TRAPPC11: variants seen among roughly 807,000 people sequenced by gnomAD.
The protein encoded by TRAPPC11 is foie gras homolog.
TRAPPC11 carries 104 observed loss-of-function variants against 151.2 expected under a neutral mutation model. That is an observed-to-expected ratio of 0.69 (90% confidence interval 0.59 to 0.81). TRAPPC11 has a LOEUF of 0.81. Ranked by LOEUF, TRAPPC11 falls within the 30% of genes least tolerant of loss-of-function variation. The pLI is 0.00. For synonymous variants in TRAPPC11, 456 were observed against 472.3 expected, an observed-to-expected ratio of 0.97 and a Z score of 0.45; for missense variants, 1,230 against 1,349.6, an observed-to-expected ratio of 0.91 and a Z score of 1.39.
chr4:183,708,187 G>A (rs1737173149), intron 28 of TRAPPC11, among the ~76,000 whole-genome samples: 1 of 152,080 alleles, frequency 6.6e-6, no homozygotes, highest in Non-Finnish European at 1.5e-5. Context: ...GAGAAATCTT[G>A]CATATATTTT....
intron 10 of TRAPPC11, 29 bp downstream of exon 10, chr4:183,680,296 A>T (rs765307685): frequency 1.3e-6 from 2 of 1,598,726 alleles, no homozygotes; most frequent in Non-Finnish European, 1.7e-6. Context: ...ATTATCTAGC[A>T]CATAGAAAAG....
rs1735875223 is a variant in TRAPPC11 at position 183,684,703 on chromosome 4, G to T, written c.1429G>T (p.Asp477Tyr). The change falls in exon 15 of 30, where the codon GAT (aspartate) becomes TAT (tyrosine). Residue 477 changes from aspartate to tyrosine, a missense_variant. By Grantham distance (160) the Asp-to-Tyr change is radical. Coordinates refer to ENST00000334690, the MANE Select transcript of TRAPPC11 (RefSeq NM_021942.6). ...CATTTTGTCTTCTTTGAGGTTGCTG[G>T]ATTATGTGATGTGTGATTATCGGAG... ...KDYTKALKLL[D>Y]YVMCDYRSEG... 1 of 1,613,844 alleles carries T rather than the reference G, an allele frequency of 6.2e-7. No individual in the cohort carries two copies. The highest frequency in any genetic ancestry group is 2.2e-5 in the East Asian group (1 of 44,846).
intron 2 of TRAPPC11, among the ~76,000 whole-genome samples, chr4:183,664,623 A>G (rs1390933098): frequency 1.3e-5 from 2 of 152,186 alleles, no homozygotes; most frequent in Admixed American, 1.3e-4. Flanking sequence ...CATAGTAAAG[A>G]CGACTTTACC....
At chr4:183,661,205 G>A (rs1734495170) in intron 1 of TRAPPC11, among the ~76,000 whole-genome samples, 2 of 151,942 alleles carry the variant, frequency 1.3e-5, no homozygotes, top group African/African-American at 2.4e-5. Context: ...CTTTCAGTAT[G>A]TAAACATGAG....
chr4:183,693,715 G>A lies in TRAPPC11; in HGVS notation c.2364G>A (p.Lys788=), dbSNP rs1736379690. The change falls in exon 21 of 30, where the codon AAG becomes AAA. Residue 788 remains lysine, a synonymous_variant. Coordinates refer to ENST00000334690, the MANE Select transcript of TRAPPC11 (RefSeq NM_021942.6). ...AAAAGACCCAAATCAGAGATGTGAA[G>A]CTCACCGCTGGCTTAAAACCAGGTA... ...SHEKTQIRDV[K]LTAGLKPGQD... The A allele has an allele frequency of 6.2e-7, 1 of 1,613,682 alleles. No homozygotes were observed. Among genetic ancestry groups the A allele is most frequent in the Admixed American group, 1.7e-5 (1 of 59,916 alleles).
chr4:183,706,149 T>C (rs1183927860), intron 27 of TRAPPC11: 1 of 152,208 alleles, frequency 6.6e-6, no homozygotes, highest in Non-Finnish European at 1.5e-5. Context: ...GTTTTACTTA[T>C]AACTTCACTG....
At chr4:183,663,754 T>TTTA in intron 1 of TRAPPC11, 93 bp from the exon 2 acceptor site, 1 of 520,078 alleles carries the variant, frequency 1.9e-6, no homozygotes, top group South Asian at 3.1e-5. Context: ...TTTTTTTTTT[T>TTTA]TGAGACAGAG....
chr4:183,674,566 GT>G, intron 5 of TRAPPC11, 146 bp from the exon 6 acceptor site: 1 of 440,876 alleles, frequency 2.3e-6, no homozygotes, highest in Non-Finnish European at 4.0e-6. Context: ...GAAAATTCAG[GT>G]TATCTTTTGC....
chr4:183,670,075 CAG>C (rs145543780), intron 5 of TRAPPC11, among the ~76,000 whole-genome samples: 1 of 151,764 alleles, frequency 6.6e-6, no homozygotes, highest in African/African-American at 2.4e-5. Flanking sequence ...ATTTTATCTT[CAG>C]AGAGAGAGAG....
chr4:183,710,733 A>G (rs904273606), intron 29 of TRAPPC11, among the ~76,000 whole-genome samples: 2 of 151,930 alleles, frequency 1.3e-5, no homozygotes, highest in Middle Eastern at 3.4e-3. Flanking sequence ...GAAAATTTAT[A>G]ATTAAAAAAT....
rs891157737 is a variant in TRAPPC11 at position 183,659,352 on chromosome 4, C to T, written c.-117C>T. 7.5e-5 allele frequency: 14 copies of T among 187,264 alleles called. No individual in the cohort carries two copies. Among genetic ancestry groups the T allele is most frequent in the African/African-American group, 2.8e-4 (12 of 42,836 alleles). The allele number at this position is 187,264 out of a possible 1,614,324, so 11.6% of individuals were successfully genotyped here. On this transcript the variant is annotated 5_prime_UTR_variant, in exon 1 of 30. Transcript: ENST00000334690. ...GTGGGGCTGCGGCGGTGGGGACGGG[C>T]CACGGCGTTCTGTGACATCCCCCCG...
intron 17 of TRAPPC11, 40 bp downstream of exon 17, chr4:183,685,443 G>T: frequency 6.3e-7 from 1 of 1,581,534 alleles, no homozygotes; most frequent in Non-Finnish European, 8.7e-7. Flanking sequence ...CAGAGAAATT[G>T]TCTTATTTCT....
rs537661243 is a variant in TRAPPC11 at position 183,706,518 on chromosome 4, G to C, written c.3056-289G>C. ...AGCCTGGGTGAAAGAGCGAGACTCCGCCTCAAAAAAAAAAAAAAAGAAATG... is the reference window on the plus strand; with the variant it reads ...AGCCTGGGTGAAAGAGCGAGACTCCCCCTCAAAAAAAAAAAAAAAGAAATG... On this transcript the variant is annotated intron_variant, in intron 27 of 29. Transcript: ENST00000334690. 8.3e-4 allele frequency among the ~76,000 whole-genome samples: 118 copies of C among 142,876 alleles called. 2 individuals are homozygous for C. The South Asian group carries it at 0.025, about 31-fold the overall frequency. 93.7% of individuals were successfully genotyped at this position (142,876 alleles called of 152,430 possible). A position where few individuals can be genotyped will look rare whatever the true frequency, so the allele number is the denominator to read the frequency against.
Position 183,693,038 on chromosome 4 carries a change from G to A in TRAPPC11, c.2128G>A (p.Ala710Thr). The A allele has an allele frequency of 1.2e-6, 2 of 1,613,790 alleles. No homozygotes were observed. The highest frequency in any genetic ancestry group is 1.3e-5 in the African/African-American group (1 of 75,026). ...AAATTGGCAGGGAGGAGGAGGAGAT[G>A]CTGCTTCCTCCCAAGAAGCCTTACA... ...VLNWQGGGGD[A>T]ASSQEALQAA... Residue 710 changes from alanine to threonine, a missense_variant, in exon 20 of 30, where the codon GCT (alanine) becomes ACT (threonine). Ala to Thr is a moderately conservative substitution (Grantham distance 58). Coordinates refer to ENST00000334690, the MANE Select transcript of TRAPPC11 (RefSeq NM_021942.6).
chr4:183,673,079 C>T (rs1160760188), intron 5 of TRAPPC11, among the ~76,000 whole-genome samples: 1 of 151,470 alleles, frequency 6.6e-6, no homozygotes, highest in East Asian at 1.9e-4. Flanking sequence ...TCTCCTGCCT[C>T]AGCCTCCTGA....
intron 29 of TRAPPC11, 101 bp downstream of exon 29, chr4:183,708,675 G>A (rs1028697650): frequency 1.8e-6 from 2 of 1,120,378 alleles, no homozygotes; most frequent in Non-Finnish European, 1.3e-6. Flanking sequence ...GAGACCAACA[G>A]TGATAGTTTT....
Position 183,693,737 on chromosome 4 carries a change from G to A in TRAPPC11, c.2386G>A (p.Gly796Arg). Residue 796 changes from glycine (G) to arginine (R), a missense_variant and splice_region_variant, in exon 21 of 30, where the codon GGA (glycine) becomes AGA (arginine). Physicochemically the swap from Gly to Arg is moderately radical, Grantham distance 125. Transcript: ENST00000334690. ...DVKLTAGLKP[G>R]QDANLTQKTH... ...GAAGCTCACCGCTGGCTTAAAACCA[G>A]GTAAGCATTCCTTTTTGTAAGTTTG... 1 of 1,612,700 alleles carries A rather than the reference G, an allele frequency of 6.2e-7. No individual in the cohort carries two copies. The highest frequency in any genetic ancestry group is 1.1e-5 in the South Asian group (1 of 90,636).
chr4:183,678,955 A>C (rs1334938525), intron 8 of TRAPPC11, among the ~76,000 whole-genome samples: 1 of 152,238 alleles, frequency 6.6e-6, no homozygotes, highest in Non-Finnish European at 1.5e-5. Flanking sequence ...ACTTTGCTTT[A>C]ATTATGCTAC....
chr4:183,683,887 G>C, intron 11 of TRAPPC11, 88 bp from the exon 12 acceptor site: 5 of 1,010,794 alleles, frequency 4.9e-6, no homozygotes, highest in Non-Finnish European at 7.8e-6. Context: ...ATTAAATAAA[G>C]GTTTCAAGGA....
Sources: gnomAD v4.1 joint callset for allele counts (sites outside exome capture counted in the v4.1 genomes callset) on GRCh38, gnomAD v4.1.1 for gene constraint, MANE v1.5 for transcripts, NCBI Gene and HGNC (gene_info 2026-07-23, HGNC 2026-07-21) for gene names.